The following PCDH15 variants were observed in gnomAD, a reference collection of about 807,000 sequenced individuals.
PCDH15 encodes protocadherin related 15.
Under a neutral mutation model 178.5 loss-of-function variants are expected in PCDH15, and 129 were observed. That is an observed-to-expected ratio of 0.72 (90% CI 0.63 to 0.84). PCDH15 has a LOEUF of 0.84. PCDH15 is among the 40% of genes least tolerant of loss of function. The pLI, the probability that PCDH15 is intolerant of heterozygous loss-of-function variation, is 0.00. For missense variants in PCDH15, 2,230 were observed against 2,099.9 expected (o/e 1.06, Z -1.21); for synonymous variants, 800 against 732.0 (o/e 1.09, Z -1.50).
At chr10:53,808,567 A>T in intron 37 of PCDH15, 1 of 1,453,586 alleles carries the variant, frequency 6.9e-7, no homozygotes, top group Non-Finnish European at 9.0e-7. Flanking sequence ...CATGCTTCTG[A>T]TCATAAGTCA....
chr10:54,572,524 A>G (rs571442208), intron 2 of PCDH15, among the ~76,000 whole-genome samples: 53 of 152,298 alleles, frequency 3.5e-4, no homozygotes, highest in African/African-American at 1.3e-3. Flanking sequence ...AAGAATTGTC[A>G]TTCCCTGTTC....
intron 11 of PCDH15, among the ~76,000 whole-genome samples, chr10:54,188,267 T>C (rs2048655526): frequency 6.6e-6 from 1 of 151,888 alleles, no homozygotes; most frequent in Non-Finnish European, 1.5e-5. Flanking sequence ...AAGAGTAACT[T>C]GAGTCAACAC....
At chr10:53,821,981 A>C in intron 32 of PCDH15, 1 of 1,613,962 alleles carries the variant, frequency 6.2e-7, no homozygotes, top group Non-Finnish European at 8.5e-7. Flanking sequence ...ACATAGTTTG[A>C]AGTTCTGAAA....
chr10:54,253,129 G>A (rs961458202), intron 8 of PCDH15, among the ~76,000 whole-genome samples: 1 of 151,972 alleles, frequency 6.6e-6, no homozygotes, highest in Non-Finnish European at 1.5e-5. Context: ...TGAGGATTGG[G>A]TTTACTAGAG....
upstream of PCDH15, among the ~76,000 whole-genome samples, chr10:55,323,443 C>A (rs958127323): frequency 2.0e-5 from 3 of 152,152 alleles, no homozygotes; most frequent in Non-Finnish European, 4.4e-5. Flanking sequence ...CCTATGAAAG[C>A]GGCCTGGAGG....
intron 3 of PCDH15, among the ~76,000 whole-genome samples, chr10:54,878,420 A>G (rs899524821): frequency 6.6e-6 from 1 of 152,208 alleles, no homozygotes; most frequent in African/African-American, 2.4e-5. Flanking sequence ...TTCCACAAGA[A>G]GACAGCCAGA....
At chr10:54,335,577 C>A (rs1021238308) in intron 6 of PCDH15, among the ~76,000 whole-genome samples, 1 of 152,102 alleles carries the variant, frequency 6.6e-6, no homozygotes, top group African/African-American at 2.4e-5. Context: ...AGATCTGATG[C>A]TTTTATAAAG....
intron 3 of PCDH15, among the ~76,000 whole-genome samples, chr10:54,845,991 G>A (rs564740570): frequency 8.6e-5 from 13 of 151,988 alleles, no homozygotes; most frequent in South Asian, 2.1e-4. Flanking sequence ...CTTAAAAAGC[G>A]CATAATTTAT....
chr10:54,650,514 C>T (rs887392869), intron 2 of PCDH15, among the ~76,000 whole-genome samples: 2 of 152,074 alleles, frequency 1.3e-5, no homozygotes, highest in Non-Finnish European at 2.9e-5. Flanking sequence ...GTGACTGATG[C>T]TTACACATAA....
chr10:55,464,940 C>G (rs958001245), intron 2 of PCDH15, among the ~76,000 whole-genome samples: 1 of 144,744 alleles, frequency 6.9e-6, no homozygotes, highest in Non-Finnish European at 1.5e-5. Flanking sequence ...CAAACAACAA[C>G]AAAAAAACAG....
chr10:54,136,532 A>G (rs1235386337), intron 14 of PCDH15, among the ~76,000 whole-genome samples: 2 of 152,182 alleles, frequency 1.3e-5, no homozygotes. Flanking sequence ...AGGTTTTACA[A>G]GAATATCAGT....
intron 15 of PCDH15, among the ~76,000 whole-genome samples, chr10:54,121,996 G>GACACAGACACACAC (rs756158522): frequency 0.023 from 2,231 of 95,890 alleles, 63 homozygotes; most frequent in African/African-American, 0.074. Flanking sequence ...ACCGGGCAAA[G>GACACAGACACACAC]ACACATACAC....
chr10:54,578,487 G>C (rs2090730696), intron 2 of PCDH15, among the ~76,000 whole-genome samples: 1 of 151,886 alleles, frequency 6.6e-6, no homozygotes, highest in Non-Finnish European at 1.5e-5. Context: ...CATCTCCTAA[G>C]GTTTAAGAAA....
chr10:53,967,935 C>T (rs1215024293), intron 21 of PCDH15, among the ~76,000 whole-genome samples: 1 of 152,130 alleles, frequency 6.6e-6, no homozygotes, highest in Non-Finnish European at 1.5e-5. Context: ...CTCCAGTCTA[C>T]AGCTCCCAGC....
At chr10:54,012,156 C>A (rs534270670) in intron 20 of PCDH15, among the ~76,000 whole-genome samples, 1 of 152,160 alleles carries the variant, frequency 6.6e-6, no homozygotes, top group South Asian at 2.1e-4. Context: ...ATTGCATTAA[C>A]AGCAGAAGAG....
At chr10:54,103,678 C>T (rs912254347) in intron 15 of PCDH15, among the ~76,000 whole-genome samples, 5 of 152,136 alleles carry the variant, frequency 3.3e-5, no homozygotes, top group African/African-American at 9.7e-5. Context: ...AAGAGAGATC[C>T]GGCATTTCCA....
chr10:54,693,221 C>T (rs1030730332), intron 1 of PCDH15, among the ~76,000 whole-genome samples: 10 of 151,988 alleles, frequency 6.6e-5, no homozygotes, highest in Non-Finnish European at 1.5e-4. Context: ...TCTTTTTACA[C>T]CGAGAAGAAT....
At chr10:55,558,618 CTTAT>C (rs1438941790) in intron 2 of PCDH15, among the ~76,000 whole-genome samples, 2 of 151,976 alleles carry the variant, frequency 1.3e-5, no homozygotes, top group Admixed American at 6.6e-5. Context: ...TACAAAAGTA[CTTAT>C]TTATTAGCTT....
intron 3 of PCDH15, among the ~76,000 whole-genome samples, chr10:54,470,057 C>G (rs956462048): frequency 6.6e-6 from 1 of 152,132 alleles, no homozygotes; most frequent in South Asian, 2.1e-4. Flanking sequence ...TGGGCCTTCC[C>G]TCAGCCCCCC....
Sources: gnomAD v4.1 joint callset for allele counts (sites outside exome capture counted in the v4.1 genomes callset) on GRCh38, gnomAD v4.1.1 for gene constraint, MANE v1.5 for transcripts, NCBI Gene and HGNC (gene_info 2026-07-23, HGNC 2026-07-21) for gene names.